The following RPRD1A variants were observed in gnomAD, a reference collection of about 807,000 sequenced individuals.
RPRD1A encodes regulation of nuclear pre-mRNA domain containing 1A.
A neutral mutation model predicts 37.8 loss-of-function variants in RPRD1A; 9 were observed. The observed-to-expected ratio is 0.24, with a 90% CI of 0.14 to 0.42. The LOEUF (loss-of-function observed/expected upper bound fraction) is 0.42. Among genes scored for constraint, RPRD1A ranks in the 10% least tolerant of loss-of-function variants. The probability of loss-of-function intolerance (pLI) is 1.00; values close to 1 mark genes in which losing one functional copy is unlikely to be tolerated. For missense variants in RPRD1A, 255 were observed against 371.0 expected, an observed-to-expected ratio of 0.69 and a Z score of 2.57; for synonymous variants, 138 against 139.7, an observed-to-expected ratio of 0.99 and a Z score of 0.08.
At chr18:36,023,424 TA>T (rs1911144573) in intron 6 of RPRD1A, among the ~76,000 whole-genome samples, 1 of 152,332 alleles carries the variant, frequency 6.6e-6, no homozygotes, top group South Asian at 2.1e-4. Flanking sequence ...TCCAATCTCA[TA>T]AAACTTGTTG....
intron 6 of RPRD1A, 23 bp from the exon 7 acceptor site, chr18:35,993,323 T>C (rs200161943): frequency 4.3e-6 from 7 of 1,613,230 alleles, no homozygotes; most frequent in Non-Finnish European, 5.9e-6. Flanking sequence ...ACCACTTTCA[T>C]TAGCATTCAG....
chr18:36,015,695 A>G (rs185149130), intron 6 of RPRD1A, among the ~76,000 whole-genome samples: 245 of 152,342 alleles, frequency 1.6e-3, no homozygotes, highest in Non-Finnish European at 2.3e-3. Flanking sequence ...AGAGGGCATT[A>G]TGCTAAAGAA....
At chr18:36,011,803 T>A (rs1343684506) in intron 6 of RPRD1A, among the ~76,000 whole-genome samples, 1 of 152,206 alleles carries the variant, frequency 6.6e-6, no homozygotes, top group Non-Finnish European at 1.5e-5. Context: ...CATAAACTAT[T>A]TATGCCACAG....
At chr18:35,995,527 C>T (rs1908995729) in intron 6 of RPRD1A, among the ~76,000 whole-genome samples, 1 of 152,106 alleles carries the variant, frequency 6.6e-6, no homozygotes, top group Admixed American at 6.5e-5. Flanking sequence ...CTTGGCCTCC[C>T]AAAGTGCTGG....
At chr18:36,031,620 T>C (rs940179257) in intron 2 of RPRD1A, among the ~76,000 whole-genome samples, 2 of 152,168 alleles carry the variant, frequency 1.3e-5, no homozygotes, top group African/African-American at 4.8e-5. Context: ...ATCTTAAGAC[T>C]AGACATATGG....
chr18:36,061,233 G>A (rs2144421617), intron 1 of RPRD1A, among the ~76,000 whole-genome samples: 1 of 152,220 alleles, frequency 6.6e-6, no homozygotes, highest in African/African-American at 2.4e-5. Flanking sequence ...TTGTTTATTG[G>A]TTGCCCTTAC....
chr18:36,044,542 G>A (rs1038219683), intron 1 of RPRD1A, among the ~76,000 whole-genome samples: 1 of 152,004 alleles, frequency 6.6e-6, no homozygotes. Context: ...ACAAAAATTA[G>A]CCAGGCATGG....
At chr18:36,020,134 T>C (rs932673126) in intron 6 of RPRD1A, among the ~76,000 whole-genome samples, 14 of 152,292 alleles carry the variant, frequency 9.2e-5, no homozygotes, top group Middle Eastern at 3.4e-3. Context: ...AGTAATGTAA[T>C]TCATCCTGAG....
At chr18:36,024,699 A>G (rs181741964) in intron 6 of RPRD1A, among the ~76,000 whole-genome samples, 1 of 152,340 alleles carries the variant, frequency 6.6e-6, no homozygotes, top group Admixed American at 6.5e-5. Context: ...TTAATGTTCA[A>G]AGATACACAA....
intron 6 of RPRD1A, among the ~76,000 whole-genome samples, chr18:36,004,660 T>A (rs1186740828): frequency 2.0e-5 from 3 of 151,218 alleles, no homozygotes; most frequent in Admixed American, 2.0e-4. Context: ...AAACAGACCT[T>A]AAAAAAAAAG....
Position 36,067,409 on chromosome 18 carries a change from C to A in RPRD1A, c.-5G>T. 1 of 1,605,182 alleles carries A rather than the reference C, an allele frequency of 6.2e-7. No individual in the cohort carries two copies. Among genetic ancestry groups the A allele is most frequent in the East Asian group, 2.2e-5 (1 of 44,452 alleles). On this transcript the variant is annotated 5_prime_UTR_variant, in exon 1 of 7. Transcript: ENST00000399022. Reference sequence around the variant, plus strand: ...CGCCTCAGAGAAGGCTGACATCCCTCCGACACCACGTTCACGCCGTCCCAC... The same window carrying A: ...CGCCTCAGAGAAGGCTGACATCCCTACGACACCACGTTCACGCCGTCCCAC...
In RPRD1A at chr18:35,992,245, A is replaced by T. The variant is rs934874622; in HGVS notation, c.*906T>A. 6.6e-6 allele frequency: 1 copy of T among 152,614 alleles called. No individual in the cohort carries two copies. The highest frequency in any genetic ancestry group is 1.5e-5 in the Non-Finnish European group (1 of 68,012). The allele number at this position is 152,614 out of a possible 1,614,324, so 9.5% of individuals were successfully genotyped here. A position where few individuals can be genotyped will look rare whatever the true frequency, so the allele number is the denominator to read the frequency against. ...TTCTTGAGCTATTAGAGCTAAAAGT[A>T]TTATTTTTAAAGTTATATGAGCAAG... On this transcript the variant is annotated 3_prime_UTR_variant, in exon 7 of 7. Coordinates refer to ENST00000399022, the MANE Select transcript of RPRD1A (RefSeq NM_018170.5).
intron 6 of RPRD1A, among the ~76,000 whole-genome samples, chr18:36,014,699 C>A (rs558567709): frequency 6.6e-6 from 1 of 152,044 alleles, no homozygotes; most frequent in African/African-American, 2.4e-5. Flanking sequence ...GCCGAGATCG[C>A]GCCACGGCAC....
chr18:36,007,036 T>C (rs1909789745), intron 6 of RPRD1A, among the ~76,000 whole-genome samples: 1 of 152,228 alleles, frequency 6.6e-6, no homozygotes, highest in African/African-American at 2.4e-5. Context: ...CTGTCTTTTT[T>C]TTCTTTTCTT....
At chr18:36,007,756 G>A (rs967310740) in intron 6 of RPRD1A, among the ~76,000 whole-genome samples, 6 of 151,668 alleles carry the variant, frequency 4.0e-5, no homozygotes, top group Non-Finnish European at 8.8e-5. Context: ...TGGCCAACAC[G>A]GTGAAACCCC....
chr18:35,993,126 T>G lies in RPRD1A; in HGVS notation c.*25A>C. The G allele has an allele frequency of 1.2e-6, 2 of 1,609,518 alleles. No individual in the cohort carries two copies. Among genetic ancestry groups the G allele is most frequent in the Non-Finnish European group, 1.7e-6 (2 of 1,177,470 alleles). On this transcript the variant is annotated 3_prime_UTR_variant, in exon 7 of 7. Coordinates refer to ENST00000399022, the MANE Select transcript of RPRD1A (RefSeq NM_018170.5). ...CCTGTCTCCATCTCTTGCAAAGTCC[T>G]GGGACCTGGAAAGAGGCTGGTCCAT...
At chr18:36,044,768 T>C (rs981145660) in intron 1 of RPRD1A, among the ~76,000 whole-genome samples, 1 of 151,880 alleles carries the variant, frequency 6.6e-6, no homozygotes, top group African/African-American at 2.4e-5. Context: ...ATGCACAAAA[T>C]GTACCAAGGA....
intron 6 of RPRD1A, among the ~76,000 whole-genome samples, chr18:36,021,342 T>C (rs1211449734): frequency 1.4e-5 from 2 of 143,624 alleles, no homozygotes; most frequent in Non-Finnish European, 2.9e-5. Context: ...TTGGTATTTC[T>C]TGTGCTATTT....
At chr18:36,014,359 C>T (rs977582012) in intron 6 of RPRD1A, among the ~76,000 whole-genome samples, 9 of 152,282 alleles carry the variant, frequency 5.9e-5, no homozygotes, top group Non-Finnish European at 8.8e-5. Flanking sequence ...GTTAGATGGT[C>T]TCCAAATTCT....
Sources: allele counts gnomAD v4.1 joint callset (sites outside exome capture counted in the v4.1 genomes callset), GRCh38; gene constraint gnomAD v4.1.1; transcripts MANE v1.5; gene names NCBI Gene and HGNC (gene_info 2026-07-23, HGNC 2026-07-21).